Variants in PLD5 observed in about 807,000 individuals in gnomAD.
PLD5 encodes the protein inactive phospholipase D5.
Under a neutral mutation model 61.1 loss-of-function variants are expected in PLD5, and 36 were observed. The observed-to-expected ratio is 0.59, with a 90% CI of 0.45 to 0.78. The LOEUF is 0.78. Ranked by LOEUF, PLD5 falls within the 30% of genes least tolerant of loss-of-function variation. The pLI is 0.00. For synonymous variants in PLD5, 243 were observed against 242.8 expected, an observed-to-expected ratio of 1.00 and a Z score of -0.01; for missense variants, 515 against 644.4, an observed-to-expected ratio of 0.80 and a Z score of 2.17.
chr1:242,384,302 C>T (rs1429013508), intron 1 of PLD5, among the ~76,000 whole-genome samples: 1 of 152,180 alleles, frequency 6.6e-6, no homozygotes, highest in African/African-American at 2.4e-5. Flanking sequence ...TGGGAGTTTC[C>T]ATGTGTTGCT....
At chr1:242,226,608 A>G (rs1299496534) in intron 4 of PLD5, among the ~76,000 whole-genome samples, 1 of 152,244 alleles carries the variant, frequency 6.6e-6, no homozygotes, top group African/African-American at 2.4e-5. Flanking sequence ...ATGCTAACTG[A>G]TGATGTGAAA....
At chr1:242,229,707 T>G (rs973456200) in intron 4 of PLD5, among the ~76,000 whole-genome samples, 1 of 152,192 alleles carries the variant, frequency 6.6e-6, no homozygotes. Flanking sequence ...TATAATTGAC[T>G]TTTGTTTAGG....
upstream of PLD5, among the ~76,000 whole-genome samples, chr1:242,528,335 A>C (rs1339992893): frequency 1.3e-5 from 2 of 152,232 alleles, no homozygotes; most frequent in African/African-American, 4.8e-5. Flanking sequence ...GCCCAGAAAT[A>C]TTCTTTATGT....
intron 1 of PLD5, among the ~76,000 whole-genome samples, chr1:242,458,375 TATA>T (rs1667008417): frequency 6.6e-6 from 1 of 152,264 alleles, no homozygotes; most frequent in Admixed American, 6.5e-5. Context: ...ACATTTTCTC[TATA>T]ATATTACTTA....
At chr1:242,277,907 C>T (rs1225146718) in intron 3 of PLD5, among the ~76,000 whole-genome samples, 1 of 152,102 alleles carries the variant, frequency 6.6e-6, no homozygotes, top group Non-Finnish European at 1.5e-5. Context: ...TGCTTGCACC[C>T]GGGAGATGGA....
chr1:242,340,564 T>G lies in PLD5; in HGVS notation c.326+7542A>C, dbSNP rs565542056. Among the ~76,000 whole-genome samples the G allele has an allele frequency of 2.0e-5, 3 of 151,496 alleles. No homozygotes were observed. In the South Asian group the frequency reaches 6.2e-4, roughly 31 times the overall value. The stretch of plus-strand genomic sequence containing the variant: ...TTCTGCCCCTTAATAAGAAGAATAA[T>G]AGTGGATATTTATTGAAAATTTATT... On this transcript the variant is annotated intron_variant, in intron 2 of 9. Transcript: ENST00000536534.
chr1:242,235,277 C>A lies in PLD5; in HGVS notation c.608-15162G>T, dbSNP rs141229525. Among the ~76,000 whole-genome samples the A allele has an allele frequency of 5.0e-4, 76 of 152,302 alleles. No homozygotes were observed. The South Asian group carries it at 6.2e-3, about 12-fold the overall frequency. ...ATGAATGAATGAACCACCTTTAGAT[C>A]ACCTTTAGTATTCCCTTCATAAGTC... On this transcript the variant is annotated intron_variant, in intron 4 of 9. Coordinates refer to ENST00000536534, the MANE Select transcript of PLD5 (RefSeq NM_001372062.1).
Position 242,288,524 on chromosome 1 carries a change from G to T in PLD5, c.333C>A (p.Ala111=). 1.9e-6 allele frequency: 3 copies of T among 1,583,990 alleles called. No individual in the cohort carries two copies. The highest frequency in any genetic ancestry group is 2.6e-6 in the Non-Finnish European group (3 of 1,169,714). Residue 111 remains alanine, a synonymous_variant, in exon 3 of 10, where the codon GCC becomes GCA. Coordinates refer to ENST00000536534, the MANE Select transcript of PLD5 (RefSeq NM_001372062.1). ...EKNCQNKCRI[A]LVENIPEGLN... is the part of the protein sequence containing the mutation. ...GGCCTTCAGGAATATTTTCCACCAG[G>T]GCAATTCTTAGAAAAGATTTTGAAA...
At chr1:242,452,197 G>A (rs1666805589) in intron 1 of PLD5, among the ~76,000 whole-genome samples, 1 of 152,028 alleles carries the variant, frequency 6.6e-6, no homozygotes, top group Non-Finnish European at 1.5e-5. Context: ...TTCATACAGT[G>A]TACTGGCATT....
At chr1:242,306,688 A>T (rs1676368972) in intron 2 of PLD5, among the ~76,000 whole-genome samples, 1 of 152,112 alleles carries the variant, frequency 6.6e-6, no homozygotes, top group Non-Finnish European at 1.5e-5. Context: ...AGAAAACTGC[A>T]CTCATATTAC....
chr1:242,526,041 C>G (rs1193813965), upstream of PLD5, among the ~76,000 whole-genome samples: 1 of 152,154 alleles, frequency 6.6e-6, no homozygotes, highest in African/African-American at 2.4e-5. Flanking sequence ...TATTAACCCT[C>G]CTTTCCAGTG....
chr1:242,225,974 G>C (rs544754036), intron 4 of PLD5, among the ~76,000 whole-genome samples: 2 of 152,260 alleles, frequency 1.3e-5, no homozygotes, highest in Admixed American at 1.3e-4. Context: ...CAAAGCGTCT[G>C]TACCAGTTTG....
intron 2 of PLD5, among the ~76,000 whole-genome samples, chr1:242,316,756 C>G (rs1289434338): frequency 1.3e-5 from 2 of 152,080 alleles, no homozygotes; most frequent in Non-Finnish European, 2.9e-5. Context: ...CTGCTCCTCT[C>G]CCTCCTCCCA....
chr1:242,431,499 A>G (rs748657498), intron 1 of PLD5, among the ~76,000 whole-genome samples: 6 of 152,216 alleles, frequency 3.9e-5, no homozygotes, highest in Non-Finnish European at 7.3e-5. Flanking sequence ...CTCTCAAACG[A>G]TAAAATATGT....
chr1:242,367,335 G>T (rs1312111349), intron 1 of PLD5, among the ~76,000 whole-genome samples: 1 of 152,186 alleles, frequency 6.6e-6, no homozygotes, highest in African/African-American at 2.4e-5. Flanking sequence ...AGAGGCAACA[G>T]AGAGACAGAA....
intron 2 of PLD5, among the ~76,000 whole-genome samples, chr1:242,338,529 A>G (rs1363073040): frequency 6.6e-6 from 1 of 152,186 alleles, no homozygotes; most frequent in African/African-American, 2.4e-5. Flanking sequence ...AAATGTCAAC[A>G]TCATTAATCA....
intron 1 of PLD5, among the ~76,000 whole-genome samples, chr1:242,432,690 G>A (rs1315894428): frequency 6.6e-6 from 1 of 152,138 alleles, no homozygotes; most frequent in East Asian, 1.9e-4. Flanking sequence ...GTAGAGTGTT[G>A]GAGGTCACAT....
intron 1 of PLD5, among the ~76,000 whole-genome samples, chr1:242,520,562 T>C (rs772226254): frequency 6.6e-6 from 1 of 152,146 alleles, no homozygotes; most frequent in African/African-American, 2.4e-5. Flanking sequence ...CAGGAGCTAA[T>C]TGAATAAGTA....
At chr1:242,332,998 G>A (rs1659279983) in intron 2 of PLD5, among the ~76,000 whole-genome samples, 1 of 152,196 alleles carries the variant, frequency 6.6e-6, no homozygotes, top group African/African-American at 2.4e-5. Flanking sequence ...AAACCCAAGA[G>A]AGAGAGACAA....
Sources: allele counts gnomAD v4.1 joint callset (sites outside exome capture counted in the v4.1 genomes callset), GRCh38; gene constraint gnomAD v4.1.1; transcripts MANE v1.5; gene names NCBI Gene and HGNC (gene_info 2026-07-23, HGNC 2026-07-21).